Variants in PTPRN2 observed in about 807,000 individuals in gnomAD.
PTPRN2 encodes receptor-type tyrosine-protein phosphatase N2.
PTPRN2 carries 74 observed loss-of-function variants against 118.8 expected under a neutral mutation model. That is an observed-to-expected ratio of 0.62 (90% CI 0.52 to 0.76). The LOEUF is 0.76. Among genes scored for constraint, PTPRN2 ranks in the 30% least tolerant of loss-of-function variants. The pLI is 0.00. For synonymous variants in PTPRN2, 641 were observed against 608.0 expected (o/e 1.05, Z -0.80); for missense variants, 1,481 against 1,394.4 (o/e 1.06, Z -0.99).
chr7:158,521,997 G>A (rs71547543), intron 1 of PTPRN2, among the ~76,000 whole-genome samples: 1,451 of 11,826 alleles, frequency 0.12, 39 homozygotes, highest in East Asian at 0.27. Flanking sequence ...GTGCTGGCTC[G>A]GGAGGGAGGT....
At chr7:157,972,082 A>T (rs930497459) in intron 11 of PTPRN2, among the ~76,000 whole-genome samples, 1 of 152,232 alleles carries the variant, frequency 6.6e-6, no homozygotes, top group Admixed American at 6.5e-5. Context: ...CTCATTCAGC[A>T]GCAGAATTTT....
chr7:157,549,213 T>C (rs1798472579), intron 21 of PTPRN2, among the ~76,000 whole-genome samples, 194 bp from the exon 22 acceptor site: 1 of 152,164 alleles, frequency 6.6e-6, no homozygotes, highest in African/African-American at 2.4e-5. Flanking sequence ...CAGCTTTCAT[T>C]AGCATTAATT....
chr7:158,425,821 AG>A, intron 2 of PTPRN2, among the ~76,000 whole-genome samples: 1 of 117,782 alleles, frequency 8.5e-6, no homozygotes, highest in African/African-American at 3.5e-5. Context: ...GCGGGGTCCG[AG>A]ACCAGCCTAG....
At chr7:157,545,780 T>C (rs574407937) in intron 22 of PTPRN2, among the ~76,000 whole-genome samples, 1 of 152,170 alleles carries the variant, frequency 6.6e-6, no homozygotes, top group African/African-American at 2.4e-5. Context: ...ATCCTGGTCA[T>C]GGTCTCCGGG....
chr7:158,434,548 C>T (rs1816440439), intron 2 of PTPRN2, among the ~76,000 whole-genome samples: 1 of 152,070 alleles, frequency 6.6e-6, no homozygotes, highest in South Asian at 2.1e-4. Context: ...TTTTATATCT[C>T]AACATTGAAG....
chr7:157,689,160 T>C (rs1797346845), intron 12 of PTPRN2, among the ~76,000 whole-genome samples: 1 of 152,304 alleles, frequency 6.6e-6, no homozygotes, highest in Admixed American at 6.5e-5. Flanking sequence ...GGAGGGCACT[T>C]TCCTCTGTGT....
intron 11 of PTPRN2, among the ~76,000 whole-genome samples, chr7:157,994,422 C>CTGTGTT (rs1415067688): frequency 6.6e-6 from 1 of 151,506 alleles, no homozygotes; most frequent in African/African-American, 2.4e-5. Context: ...AGGAAGATGC[C>CTGTGTT]TGTGTTTCCC....
chr7:158,027,213 G>A (rs1294568252), intron 11 of PTPRN2, among the ~76,000 whole-genome samples: 3 of 152,196 alleles, frequency 2.0e-5, no homozygotes, highest in Non-Finnish European at 4.4e-5. Context: ...CCACAGGTAC[G>A]TGAAAGGTAA....
At chr7:158,095,747 G>T (rs1370589459) in intron 10 of PTPRN2, among the ~76,000 whole-genome samples, 1 of 152,138 alleles carries the variant, frequency 6.6e-6, no homozygotes, top group African/African-American at 2.4e-5. Flanking sequence ...TATACTTTCT[G>T]GTTCTGGTTT....
rs1554571717 is a variant in PTPRN2, at chr7:158,171,348, T to TATATATATAC, written c.550-4058_550-4057insGTATATATAT. Among the ~76,000 whole-genome samples the TATATATATAC allele has an allele frequency of 2.0e-3, 178 of 89,934 alleles. 12 individuals are homozygous for TATATATATAC. Among genetic ancestry groups the TATATATATAC allele is most frequent in the South Asian group, 2.5e-3 (7 of 2,812 alleles). The allele number at this position is 89,934 out of a possible 152,430, so 59.0% of individuals were successfully genotyped here. On this transcript the variant is annotated intron_variant, in intron 5 of 22. Coordinates refer to ENST00000389418, the MANE Select transcript of PTPRN2 (RefSeq NM_002847.5). The stretch of plus-strand genomic sequence containing the variant: ...ATATATATATATATATATATATATA[T>TATATATATAC]ACACACACACATTTTTTTAAGACAT...
rs77736474 is a variant in PTPRN2, at chr7:158,393,852, T to C, written c.164-76920A>G. ...TGGTGAGCAGCCTGGGTTCAATGTA[T>C]ATCACCTTCCATCACCTCCCTCCCC... On this transcript the variant is annotated intron_variant, in intron 2 of 22. Transcript: ENST00000389418. Among the ~76,000 whole-genome samples the C allele has an allele frequency of 9.0e-4, 137 of 152,040 alleles. 4 individuals are homozygous for C. In the East Asian group the frequency reaches 0.022, roughly 25 times the overall value.
At chr7:158,137,851 C>T (rs113752190) in intron 7 of PTPRN2, among the ~76,000 whole-genome samples, 28 of 152,204 alleles carry the variant, frequency 1.8e-4, no homozygotes, top group Admixed American at 1.2e-3. Flanking sequence ...CACAGGGCTC[C>T]GGATGCCTGC....
intron 12 of PTPRN2, among the ~76,000 whole-genome samples, chr7:157,795,966 G>C (rs959531424): frequency 6.6e-6 from 1 of 152,252 alleles, no homozygotes; most frequent in Non-Finnish European, 1.5e-5. Context: ...GAGGGGGGCA[G>C]GCGCCGAGGC....
In PTPRN2 at chr7:157,631,898, C is replaced by G. The variant is rs1460628398; in HGVS notation, c.2197-10389G>C. The stretch of plus-strand genomic sequence containing the variant: ...ATAAGGCTGTCAAGAAAATGACATG[C>G]TTTTTTCAAAGTCCTGTTAGAAAAA... On this transcript the variant is annotated intron_variant, in intron 14 of 22. Transcript: ENST00000389418. Among the ~76,000 whole-genome samples the G allele has an allele frequency of 2.0e-5, 3 of 151,730 alleles. No homozygotes were observed. The East Asian group carries it at 5.8e-4, about 29-fold the overall frequency.
intron 3 of PTPRN2, among the ~76,000 whole-genome samples, chr7:158,272,163 G>A (rs913458468): frequency 6.6e-5 from 10 of 152,288 alleles, no homozygotes; most frequent in African/African-American, 2.4e-4. Context: ...TGAGCTGGCA[G>A]AGGAGGGTCT....
chr7:157,925,804 C>G lies in PTPRN2; in HGVS notation c.1724-27067G>C, dbSNP rs546675976. 1.5e-4 allele frequency among the ~76,000 whole-genome samples: 23 copies of G among 151,900 alleles called. No individual in the cohort carries two copies. The East Asian group carries it at 4.4e-3, about 29-fold the overall frequency. On this transcript the variant is annotated intron_variant, in intron 11 of 22. Coordinates refer to ENST00000389418, the MANE Select transcript of PTPRN2 (RefSeq NM_002847.5). ...GAAACGACGCTGAATCACCAGCCAC[C>G]GAGACAATCAGGAACCAGTGACGTG...
At chr7:157,939,258 G>A (rs1044935366) in intron 11 of PTPRN2, among the ~76,000 whole-genome samples, 1 of 152,068 alleles carries the variant, frequency 6.6e-6, no homozygotes, top group African/African-American at 2.4e-5. Flanking sequence ...TCCAAATTCT[G>A]AATTACAATA....
intron 2 of PTPRN2, among the ~76,000 whole-genome samples, chr7:158,407,141 C>CCGCG (rs1813528988): frequency 1.4e-5 from 2 of 144,400 alleles, no homozygotes; most frequent in Admixed American, 7.1e-5. Context: ...GTCCTGCGTC[C>CCGCG]TGCGTCCTGG....
In PTPRN2 at chr7:158,509,406, C is replaced by T. The variant is rs1418559893; in HGVS notation, c.113-19621G>A. Among the ~76,000 whole-genome samples the T allele has an allele frequency of 6.6e-6, 1 of 152,200 alleles. No homozygotes were observed. Among genetic ancestry groups the T allele is most frequent in the Non-Finnish European group, 1.5e-5 (1 of 68,028 alleles). Reference sequence around the variant, plus strand: ...CTGTCTCAGGCAGCACATCTAAAGGCCTCTCCAAGCCATGCACCCACCCTG... The same window carrying T: ...CTGTCTCAGGCAGCACATCTAAAGGTCTCTCCAAGCCATGCACCCACCCTG... On this transcript the variant is annotated intron_variant, in intron 1 of 22. Coordinates refer to ENST00000389418, the MANE Select transcript of PTPRN2 (RefSeq NM_002847.5). The surrounding 1 kb of genome is among the most constrained non-coding windows in gnomAD (Gnocchi z 4.4).
Sources: allele counts gnomAD v4.1 joint callset (sites outside exome capture counted in the v4.1 genomes callset), GRCh38; gene constraint gnomAD v4.1.1; non-coding constraint Gnocchi (gnomAD v3.1); transcripts MANE v1.5; gene names NCBI Gene and HGNC (gene_info 2026-07-23, HGNC 2026-07-21).